TGM7: variants seen among roughly 807,000 people sequenced by gnomAD.
TGM7 encodes the protein transglutaminase 7.
A neutral mutation model predicts 79.5 loss-of-function variants in TGM7; 74 were observed. The ratio of observed to expected loss-of-function variants is 0.93; its 90% CI spans 0.77 to 1.13. TGM7 has a LOEUF of 1.13. TGM7 is among the 50% of genes most tolerant of loss of function. The pLI, the probability that TGM7 is intolerant of heterozygous loss-of-function variation, is 0.00. For synonymous variants in TGM7, 354 were observed against 362.5 expected (o/e 0.98, Z 0.27); for missense variants, 912 against 905.9 (o/e 1.01, Z -0.09).
chr15:43,277,955 C>G (rs747663697), intron 11 of TGM7, among the ~76,000 whole-genome samples: 3 of 152,278 alleles, frequency 2.0e-5, no homozygotes, highest in Non-Finnish European at 2.9e-5. Flanking sequence ...TAGCAACCTA[C>G]TTGGCATTTG....
intron 7 of TGM7, 49 bp downstream of exon 7, chr15:43,284,765 T>C (rs1411059312): frequency 6.2e-7 from 1 of 1,601,218 alleles, no homozygotes; most frequent in South Asian, 1.1e-5. Context: ...TCAGTTTTTC[T>C]GCCCTCCCTG....
At chr15:43,294,115 C>A (rs1197799538) in intron 1 of TGM7, among the ~76,000 whole-genome samples, 2 of 152,126 alleles carry the variant, frequency 1.3e-5, no homozygotes, top group African/African-American at 2.4e-5. Flanking sequence ...ACCCTTTTAT[C>A]CTACTGATAT....
rs1224319485 is a variant in TGM7 at position 43,291,903 on chromosome 15, A to T, written c.558+76T>A. 2.2e-5 allele frequency: 24 copies of T among 1,075,670 alleles called. No homozygotes were observed. In the South Asian group the frequency reaches 3.1e-4, roughly 14 times the overall value. 66.6% of individuals were successfully genotyped at this position (1,075,670 alleles called of 1,614,324 possible). ...CTCTATGAGGGCTGTGTAATATAAC[A>T]GCCTTACATAACAGGGTTGTGTAAG... On this transcript the variant is annotated intron_variant, in intron 4 of 12. Coordinates refer to ENST00000452443, the MANE Select transcript of TGM7 (RefSeq NM_052955.3).
Position 43,276,425 on chromosome 15 carries a change from G to A in TGM7, c.*30C>T, listed in dbSNP as rs1354608080. The A allele has an allele frequency of 6.3e-7, 1 of 1,599,330 alleles. No homozygotes were observed. The highest frequency in any genetic ancestry group is 8.5e-7 in the Non-Finnish European group (1 of 1,172,264). On this transcript the variant is annotated 3_prime_UTR_variant, in exon 13 of 13. Coordinates refer to ENST00000452443, the MANE Select transcript of TGM7 (RefSeq NM_052955.3). ...TAGAAAGGAGCCAGGTGGGGCAGGGGTGCCAGGGAGGGCAGCTGGAGGGCG... is the reference window on the plus strand; with the variant it reads ...TAGAAAGGAGCCAGGTGGGGCAGGGATGCCAGGGAGGGCAGCTGGAGGGCG...
At chr15:43,299,962 C>T (rs1337489431) in intron 1 of TGM7, among the ~76,000 whole-genome samples, 3 of 152,196 alleles carry the variant, frequency 2.0e-5, no homozygotes, top group Non-Finnish European at 4.4e-5. Context: ...AAGCCCTTCA[C>T]AATGTGGTCC....
In TGM7 at chr15:43,292,202, C is replaced by T. The variant is rs576706220; in HGVS notation, c.440-105G>A. The stretch of plus-strand genomic sequence containing the variant: ...ACGTGTTTCTGGAAAACAGGAGGAA[C>T]AGTCGATGGGTTGATAGCAACAGAA... On this transcript the variant is annotated intron_variant, in intron 3 of 12. Transcript: ENST00000452443. The T allele has an allele frequency of 3.4e-5, 26 of 754,704 alleles. No homozygotes were observed. In the African/African-American group the frequency reaches 4.0e-4, roughly 12 times the overall value. The allele number at this position is 754,704 out of a possible 1,614,324, so 46.8% of individuals were successfully genotyped here.
chr15:43,280,056 G>A (rs561121859), intron 9 of TGM7, 105 bp from the exon 10 acceptor site: 40 of 1,040,276 alleles, frequency 3.8e-5, no homozygotes, highest in Admixed American at 3.0e-4. Context: ...GGGAGGCGGC[G>A]CGGCTCAGGT....
At chr15:43,292,248 A>C (rs1388210181) in intron 3 of TGM7, 151 bp from the exon 4 acceptor site, 2 of 606,940 alleles carry the variant, frequency 3.3e-6, no homozygotes, top group Non-Finnish European at 5.8e-6. Context: ...GACCCCCTTA[A>C]AGGTCTACTA....
intron 11 of TGM7, among the ~76,000 whole-genome samples, chr15:43,277,481 A>G (rs1023470031): frequency 1.3e-5 from 2 of 152,324 alleles, no homozygotes; most frequent in South Asian, 2.1e-4. Context: ...CCAAGGCTGC[A>G]TGATGTGTTA....
At chr15:43,286,186 G>T (rs2042934910) in intron 6 of TGM7, among the ~76,000 whole-genome samples, 1 of 152,176 alleles carries the variant, frequency 6.6e-6, no homozygotes. Flanking sequence ...TCCTTAGCAG[G>T]CGTGGGAGCT....
At chr15:43,285,694 A>G (rs1382734315) in intron 6 of TGM7, among the ~76,000 whole-genome samples, 3 of 152,224 alleles carry the variant, frequency 2.0e-5, no homozygotes, top group Non-Finnish European at 4.4e-5. Context: ...GTCAGCAGAG[A>G]TAAGAGGAAA....
At chr15:43,294,905 T>TC (rs2042984875) in intron 1 of TGM7, among the ~76,000 whole-genome samples, 1 of 147,976 alleles carries the variant, frequency 6.8e-6, no homozygotes, top group Non-Finnish European at 1.5e-5. Flanking sequence ...TCTTGATCCT[T>TC]TTTTTTTTTT....
chr15:43,279,981 C>T (rs1285454751), intron 9 of TGM7, 30 bp from the exon 10 acceptor site: 1 of 1,597,932 alleles, frequency 6.3e-7, no homozygotes, highest in Non-Finnish European at 8.6e-7. Flanking sequence ...GAGAGACATG[C>T]ATGGGGAGGG....
intron 1 of TGM7, among the ~76,000 whole-genome samples, chr15:43,295,139 C>A (rs2042986179): frequency 1.3e-5 from 2 of 152,040 alleles, no homozygotes; most frequent in South Asian, 4.1e-4. Flanking sequence ...ATTTTTTGAC[C>A]CAAATATTTT....
chr15:43,285,771 A>G (rs2042932503), intron 6 of TGM7, among the ~76,000 whole-genome samples: 1 of 152,164 alleles, frequency 6.6e-6, no homozygotes, highest in African/African-American at 2.4e-5. Flanking sequence ...ATACTGCTAC[A>G]AAGGCTTTTA....
Position 43,276,763 on chromosome 15 carries a change from G to A in TGM7, c.1973+99C>T. 4 of 1,547,370 alleles carry A rather than the reference G, an allele frequency of 2.6e-6. No homozygotes were observed. The South Asian group carries it at 5.0e-5, about 19-fold the overall frequency. ...TGAGGAGGGTGAGAAAGTGGGGGCA[G>A]AGAGGCACTGCACAGGAGACTGAGG... On this transcript the variant is annotated intron_variant, in intron 12 of 12. Coordinates refer to ENST00000452443, the MANE Select transcript of TGM7 (RefSeq NM_052955.3).
In TGM7 at chr15:43,293,622, A is replaced by C; in HGVS notation, c.20T>G (p.Leu7Trp). 1 of 1,604,424 alleles carries C rather than the reference A, an allele frequency of 6.2e-7. No homozygotes were observed. MDQVATLRLESVDLQSS... is the reference protein window; with the variant it reads MDQVATWRLESVDLQSS... ...CTGCAGGTCGACAGACTCAAGCCGC[A>C]AGGTTGCCACTAGGGGAGAGGAGGG... is the stretch of plus-strand genomic sequence containing the variant. The change falls in exon 2 of 13, where the codon TTG becomes TGG. Residue 7 changes from leucine to tryptophan, a missense_variant. Transcript: ENST00000452443.
intron 1 of TGM7, among the ~76,000 whole-genome samples, chr15:43,293,867 A>G (rs1160515420): frequency 1.1e-4 from 1 of 9,518 alleles, no homozygotes; most frequent in Non-Finnish European, 1.7e-4. Flanking sequence ...TGTGCTGGGG[A>G]GGGTGGGGTG....
intron 11 of TGM7, 87 bp from the exon 12 acceptor site, chr15:43,277,082 C>T (rs576314615): frequency 5.2e-6 from 8 of 1,537,940 alleles, no homozygotes; most frequent in East Asian, 4.5e-5. Context: ...AGGTCCCTGG[C>T]GACCACCAGG....
Sources: allele counts gnomAD v4.1 joint callset (sites outside exome capture counted in the v4.1 genomes callset), GRCh38; gene constraint gnomAD v4.1.1; transcripts MANE v1.5; gene names NCBI Gene and HGNC (gene_info 2026-07-23, HGNC 2026-07-21).